PDZD2: variants seen among roughly 807,000 people sequenced by gnomAD.
PDZD2 encodes PDZ domain containing 2, also known as PDZ domain-containing protein 2.
Under a neutral mutation model 220.7 loss-of-function variants are expected in PDZD2, and 90 were observed. That is an observed-to-expected ratio of 0.41 (90% CI 0.34 to 0.49). The LOEUF is 0.49. Ranked by LOEUF, PDZD2 falls within the 20% of genes least tolerant of loss-of-function variation. The pLI is 0.28. For synonymous variants in PDZD2, 1,375 were observed against 1,450.5 expected, an observed-to-expected ratio of 0.95 and a Z score of 1.18; for missense variants, 3,174 against 3,608.5, an observed-to-expected ratio of 0.88 and a Z score of 3.08.
At chr5:31,695,372 G>A (rs1472898082) in intron 1 of PDZD2, among the ~76,000 whole-genome samples, 2 of 152,126 alleles carry the variant, frequency 1.3e-5, no homozygotes, top group African/African-American at 4.8e-5. Flanking sequence ...AAAAATTAAT[G>A]CCAGAAAATC....
intron 2 of PDZD2, among the ~76,000 whole-genome samples, chr5:31,974,037 G>C (rs183490790): frequency 1.3e-5 from 2 of 152,202 alleles, no homozygotes; most frequent in Non-Finnish European, 2.9e-5. Context: ...CTGGAATGTA[G>C]TGGTGCCATC....
chr5:31,776,988 C>T (rs1037346218), intron 1 of PDZD2, among the ~76,000 whole-genome samples: 1 of 152,120 alleles, frequency 6.6e-6, no homozygotes, highest in African/African-American at 2.4e-5. Flanking sequence ...CGGCCTCAGG[C>T]GTTCGCTCTG....
At chr5:31,816,301 AAG>A in intron 2 of PDZD2, among the ~76,000 whole-genome samples, 1 of 151,196 alleles carries the variant, frequency 6.6e-6, no homozygotes. Context: ...AAAAAAAAAA[AAG>A]ATGACTGGGA....
chr5:32,013,746 C>T (rs1296614494), intron 6 of PDZD2, among the ~76,000 whole-genome samples: 1 of 152,154 alleles, frequency 6.6e-6, no homozygotes, highest in Non-Finnish European at 1.5e-5. Flanking sequence ...TGACAATTCT[C>T]CTTCCCTTGT....
intron 17 of PDZD2, among the ~76,000 whole-genome samples, chr5:32,072,603 C>T (rs60006187): frequency 0.05 from 7,568 of 152,172 alleles, 512 homozygotes; most frequent in African/African-American, 0.16. Context: ...TGGTGGCACG[C>T]GCCTGTAATC....
intron 2 of PDZD2, among the ~76,000 whole-genome samples, chr5:31,842,595 G>C: frequency 6.6e-6 from 1 of 152,136 alleles, no homozygotes; most frequent in East Asian, 1.9e-4. Flanking sequence ...CAAGAAACCT[G>C]GGTTCCTGGA....
At chr5:31,889,227 C>G (rs1215189229) in intron 2 of PDZD2, among the ~76,000 whole-genome samples, 1 of 152,134 alleles carries the variant, frequency 6.6e-6, no homozygotes, top group African/African-American at 2.4e-5. Flanking sequence ...ACATTGGAGC[C>G]GTGGTTTTAG....
intron 2 of PDZD2, among the ~76,000 whole-genome samples, chr5:31,879,491 G>A (rs1434833379): frequency 6.6e-6 from 1 of 151,964 alleles, no homozygotes; most frequent in Non-Finnish European, 1.5e-5. Flanking sequence ...AAGATTGAGA[G>A]TAACTGTAAG....
chr5:31,713,234 T>G (rs1748234731), intron 1 of PDZD2, among the ~76,000 whole-genome samples: 1 of 152,238 alleles, frequency 6.6e-6, no homozygotes. Flanking sequence ...ATGCCCTGTT[T>G]GCAGGGCTGG....
chr5:32,072,415 T>C, intron 17 of PDZD2, 98 bp downstream of exon 17: 1 of 962,826 alleles, frequency 1.0e-6, no homozygotes, highest in South Asian at 1.7e-5. Flanking sequence ...TTAGCTACCC[T>C]GGCGCTGTAA....
At chr5:31,825,354 T>C (rs1756147073) in intron 2 of PDZD2, among the ~76,000 whole-genome samples, 1 of 152,176 alleles carries the variant, frequency 6.6e-6, no homozygotes, top group African/African-American at 2.4e-5. Context: ...AGGACAGGGA[T>C]GAAAGACAGT....
At chr5:32,019,053 C>T (rs989171363) in intron 6 of PDZD2, among the ~76,000 whole-genome samples, 1 of 151,772 alleles carries the variant, frequency 6.6e-6, no homozygotes, top group African/African-American at 2.4e-5. Flanking sequence ...GGGCCTGTTC[C>T]AACTGGCTAC....
At chr5:32,044,729 G>T (rs1737761680) in intron 7 of PDZD2, among the ~76,000 whole-genome samples, 1 of 152,226 alleles carries the variant, frequency 6.6e-6, no homozygotes, top group Non-Finnish European at 1.5e-5. Context: ...AGATGATGGT[G>T]CAGGGAAAGT....
Position 32,090,333 on chromosome 5 carries a change from A to G in PDZD2, c.6885A>G (p.Glu2295=). The G allele has an allele frequency of 6.2e-7, 1 of 1,614,212 alleles. No individual in the cohort carries two copies. The highest frequency in any genetic ancestry group is 8.5e-7 in the Non-Finnish European group (1 of 1,180,010). Residue 2295 remains glutamate, a synonymous_variant, in exon 20 of 25, where the codon GAA becomes GAG. Transcript: ENST00000438447. The surrounding 1 kb of genome is among the most constrained non-coding windows in gnomAD (Gnocchi z 4.3). The stretch of plus-strand genomic sequence containing the variant: ...CGAGGAATCTTCCAGCCACAGATGA[A>G]GGGGATATCATTTCAGTCCAGGAGA... The part of the protein sequence containing the change: ...DTSRNLPATD[E]GDIISVQETS...
At position 32,077,505 on chromosome 5, in the gene PDZD2, C is replaced by T. The variant is rs755056670; in HGVS notation, c.3581C>T (p.Thr1194Ile). The change falls in exon 19 of 25, where the codon ACC (threonine) becomes ATC (isoleucine). Residue 1194 changes from threonine (T) to isoleucine (I), a missense_variant. By Grantham distance (89) the Thr-to-Ile change is moderately conservative. Transcript: ENST00000438447. ...ACCACTGGAGATGCTTGTGTCTCTACCAGCTGTGAACTAGCCAGTGCTCTG... is the reference window on the plus strand; with the variant it reads ...ACCACTGGAGATGCTTGTGTCTCTATCAGCTGTGAACTAGCCAGTGCTCTG... ...KLTTGDACVS[T>I]SCELASALSH... The T allele has an allele frequency of 1.2e-6, 2 of 1,613,982 alleles. No individual in the cohort carries two copies. The highest frequency in any genetic ancestry group is 3.3e-5 in the Admixed American group (2 of 60,020).
In PDZD2 at chr5:32,037,406, G is replaced by T; in HGVS notation, c.1519+64G>T. 4 of 928,322 alleles carry T rather than the reference G, an allele frequency of 4.3e-6. No homozygotes were observed. The East Asian group carries it at 9.6e-5, about 22-fold the overall frequency. 57.5% of individuals were successfully genotyped at this position (928,322 alleles called of 1,614,324 possible). A position where few individuals can be genotyped will look rare whatever the true frequency, so the allele number is the denominator to read the frequency against. Reference sequence around the variant, plus strand: ...GAGTTTTCAGCCTCAGGAGCAGGGAGATGAAGCCATTGCCGGGATGAGCTC... The same window carrying T: ...GAGTTTTCAGCCTCAGGAGCAGGGATATGAAGCCATTGCCGGGATGAGCTC... On this transcript the variant is annotated intron_variant, in intron 7 of 24. Coordinates refer to ENST00000438447, the MANE Select transcript of PDZD2 (RefSeq NM_178140.4).
At chr5:31,848,102 G>C in intron 2 of PDZD2, 1 of 320,258 alleles carries the variant, frequency 3.1e-6, no homozygotes, top group Non-Finnish European at 6.0e-6. Flanking sequence ...AGATCAGGTA[G>C]CTCAAAAGTA....
At chr5:31,766,456 A>C (rs933703870) in intron 1 of PDZD2, among the ~76,000 whole-genome samples, 2 of 151,774 alleles carry the variant, frequency 1.3e-5, no homozygotes, top group Non-Finnish European at 1.5e-5. Context: ...ATCATGGCTC[A>C]CTACAACCTT....
At chr5:31,782,902 C>T (rs868725895) in intron 1 of PDZD2, among the ~76,000 whole-genome samples, 12 of 151,704 alleles carry the variant, frequency 7.9e-5, no homozygotes, top group South Asian at 4.2e-4. Context: ...TTAGTAGAGA[C>T]GGGGTTTCAC....
Sources: allele counts gnomAD v4.1 joint callset (sites outside exome capture counted in the v4.1 genomes callset), GRCh38; gene constraint gnomAD v4.1.1; non-coding constraint Gnocchi (gnomAD v3.1); transcripts MANE v1.5; gene names NCBI Gene and HGNC (gene_info 2026-07-23, HGNC 2026-07-21).